EIF3H: variants seen among roughly 807,000 people sequenced by gnomAD.
The protein encoded by EIF3H is eukaryotic translation initiation factor 3 subunit H.
A neutral mutation model predicts 44.2 loss-of-function variants in EIF3H; 26 were observed. The ratio of observed to expected loss-of-function variants is 0.59; its 90% CI spans 0.43 to 0.82. The LOEUF (loss-of-function observed/expected upper bound fraction) is 0.82. Among genes scored for constraint, EIF3H ranks in the 40% least tolerant of loss-of-function variants. The pLI is 0.00. For missense variants in EIF3H, 359 were observed against 432.8 expected, an observed-to-expected ratio of 0.83 and a Z score of 1.51; for synonymous variants, 166 against 151.9, an observed-to-expected ratio of 1.09 and a Z score of -0.68.
chr8:116,693,927 C>T (rs543098765), intron 2 of EIF3H, among the ~76,000 whole-genome samples: 1 of 152,234 alleles, frequency 6.6e-6, no homozygotes, highest in South Asian at 2.1e-4. Flanking sequence ...TTGGTCTCCC[C>T]CAAAGTGCTA....
chr8:116,694,253 T>C (rs1329646844), intron 2 of EIF3H, among the ~76,000 whole-genome samples: 2 of 152,158 alleles, frequency 1.3e-5, no homozygotes, highest in Admixed American at 6.5e-5. Flanking sequence ...CTCCAGTGTC[T>C]GTCAAATTCA....
intron 2 of EIF3H, among the ~76,000 whole-genome samples, chr8:116,674,376 C>G (rs1048757703): frequency 2.0e-5 from 3 of 151,512 alleles, no homozygotes; most frequent in Admixed American, 6.6e-5. Context: ...TCCCAGCAAA[C>G]GAAGTAGTGG....
chr8:116,658,957 G>T lies in EIF3H; in HGVS notation c.313C>A (p.Arg105=). ...TCAATGTTTACATGGCGAAGGCTCCGCATCATTTCCATCTGATATTGGACT... is the reference window on the plus strand; with the variant it reads ...TCAATGTTTACATGGCGAAGGCTCCTCATCATTTCCATCTGATATTGGACT... ...DEVQYQMEMM[R]SLRHVNIDHL... is the part of the protein sequence containing the mutation. The change falls in exon 3 of 8, where the codon CGG becomes AGG. Residue 105 remains arginine (R), a synonymous_variant. Coordinates refer to ENST00000521861, the MANE Select transcript of EIF3H (RefSeq NM_003756.3). 1 of 1,612,018 alleles carries T rather than the reference G, an allele frequency of 6.2e-7. No homozygotes were observed. Among genetic ancestry groups the T allele is most frequent in the Non-Finnish European group, 8.5e-7 (1 of 1,179,080 alleles).
chr8:116,737,997 T>G (rs1341617025), intron 1 of EIF3H, among the ~76,000 whole-genome samples: 1 of 144,814 alleles, frequency 6.9e-6, no homozygotes, highest in African/African-American at 2.6e-5. Context: ...ATCGCACTAT[T>G]GCACTCCAGC....
At chr8:116,730,883 A>C (rs889067784) in intron 1 of EIF3H, among the ~76,000 whole-genome samples, 2 of 152,182 alleles carry the variant, frequency 1.3e-5, no homozygotes, top group Admixed American at 6.5e-5. Context: ...CCTTACAACC[A>C]CCCTGTGAAG....
chr8:116,664,749 CAA>C (rs1183914124), intron 2 of EIF3H, among the ~76,000 whole-genome samples: 1 of 148,304 alleles, frequency 6.7e-6, no homozygotes, highest in Non-Finnish European at 1.5e-5. Flanking sequence ...TCTTAATTAA[CAA>C]AGTCATTTAA....
chr8:116,649,462 A>G (rs1813355956), intron 5 of EIF3H, among the ~76,000 whole-genome samples: 1 of 152,094 alleles, frequency 6.6e-6, no homozygotes. Flanking sequence ...AGTCTTTCAT[A>G]TTTCTTATTC....
intron 1 of EIF3H, among the ~76,000 whole-genome samples, chr8:116,728,242 T>G (rs1478540728): frequency 6.6e-6 from 1 of 151,730 alleles, no homozygotes; most frequent in African/African-American, 2.4e-5. Context: ...TCACATGTAT[T>G]ACCCTATCAT....
chr8:116,687,908 GA>G (rs746967645), intron 2 of EIF3H, among the ~76,000 whole-genome samples: 10 of 151,950 alleles, frequency 6.6e-5, no homozygotes, highest in Non-Finnish European at 1.5e-4. Flanking sequence ...CACAAGCTAA[GA>G]ATATTTGTAA....
Position 116,646,499 on chromosome 8 carries a change from A to AGGC in EIF3H, c.930_932dup (p.Pro311dup). On this transcript the variant is annotated inframe_insertion, in exon 7 of 8. Coordinates refer to ENST00000521861, the MANE Select transcript of EIF3H (RefSeq NM_003756.3). ...CAATGAGCAGCGAGTCCATCCTGGC[A>AGGC]GGCGGCTGTGGTGGTTTGAAGAGTT... is the stretch of plus-strand genomic sequence containing the variant. The AGGC allele has an allele frequency of 6.2e-7, 1 of 1,614,220 alleles. No individual in the cohort carries two copies. The highest frequency in any genetic ancestry group is 8.5e-7 in the Non-Finnish European group (1 of 1,180,026).
chr8:116,666,753 C>CAAAAAA (rs56700266), intron 2 of EIF3H, among the ~76,000 whole-genome samples: 4,726 of 71,012 alleles, frequency 0.067, 834 homozygotes, highest in African/African-American at 0.16. Context: ...TAGTGTTAGG[C>CAAAAAA]AAAAAAAAAA....
intron 2 of EIF3H, among the ~76,000 whole-genome samples, chr8:116,674,596 G>C (rs1316779373): frequency 6.6e-6 from 1 of 152,112 alleles, no homozygotes; most frequent in Non-Finnish European, 1.5e-5. Flanking sequence ...CATATGTTCA[G>C]AATGAATACT....
In EIF3H at chr8:116,651,443, T is replaced by G. The variant is rs193086820; in HGVS notation, c.708-2517A>C. ...TGAATAAAAATAAATCCAACTAAAATATGGATTCTATCAGTAACCTCAAGA... is the reference window on the plus strand; with the variant it reads ...TGAATAAAAATAAATCCAACTAAAAGATGGATTCTATCAGTAACCTCAAGA... On this transcript the variant is annotated intron_variant, in intron 5 of 7. Transcript: ENST00000521861. 4.6e-5 allele frequency among the ~76,000 whole-genome samples: 7 copies of G among 152,306 alleles called. No homozygotes were observed. The East Asian group carries it at 1.3e-3, about 29-fold the overall frequency.
At chr8:116,678,882 CCCGGCCAGCCGCCCCGT>C (rs1813905464) in intron 2 of EIF3H, among the ~76,000 whole-genome samples, 1 of 138,842 alleles carries the variant, frequency 7.2e-6, no homozygotes, top group Non-Finnish European at 1.6e-5. Flanking sequence ...CAGCCCCCCG[CCCGGCCAGCCGCCCCGT>C]CCGGGAGGTG....
At chr8:116,711,814 T>C (rs1277497934) in intron 2 of EIF3H, among the ~76,000 whole-genome samples, 1 of 152,208 alleles carries the variant, frequency 6.6e-6, no homozygotes. Flanking sequence ...TTCACTAACA[T>C]AATGCACTAA....
upstream of EIF3H, chr8:116,755,847 A>C (rs1369917576): frequency 6.2e-7 from 1 of 1,604,166 alleles, no homozygotes; most frequent in Non-Finnish European, 8.5e-7. Flanking sequence ...CGGAAGCGGA[A>C]GTACAAGTCT....
chr8:116,753,615 G>A (rs1240335940), intron 1 of EIF3H, among the ~76,000 whole-genome samples: 1 of 152,130 alleles, frequency 6.6e-6, no homozygotes, highest in Non-Finnish European at 1.5e-5. Flanking sequence ...TAATTTCTGA[G>A]TCCAAAAAAT....
chr8:116,679,317 G>C lies in EIF3H; in HGVS notation c.290-20337C>G, dbSNP rs867726431. The stretch of plus-strand genomic sequence containing the variant: ...GGTGGGGGGGTCAGCCCCCCGCCCG[G>C]CCAGCCGCCCCATCCGGGAGGAAGG... On this transcript the variant is annotated intron_variant, in intron 2 of 7. Coordinates refer to ENST00000521861, the MANE Select transcript of EIF3H (RefSeq NM_003756.3). Among the ~76,000 whole-genome samples the C allele has an allele frequency of 7.6e-4, 50 of 65,834 alleles. 1 individual carries two copies. The highest frequency in any genetic ancestry group is 1.6e-3 in the African/African-American group (45 of 27,310). 43.2% of individuals were successfully genotyped at this position (65,834 alleles called of 152,430 possible).
At chr8:116,705,513 C>T (rs1037690956) in intron 2 of EIF3H, among the ~76,000 whole-genome samples, 3 of 151,080 alleles carry the variant, frequency 2.0e-5, no homozygotes, top group Admixed American at 1.3e-4. Context: ...CACCAACACC[C>T]CAGGAGAATG....
Sources: allele counts gnomAD v4.1 joint callset (sites outside exome capture counted in the v4.1 genomes callset), GRCh38; gene constraint gnomAD v4.1.1; transcripts MANE v1.5; gene names NCBI Gene and HGNC (gene_info 2026-07-23, HGNC 2026-07-21).